Variants in GALNTL6 observed in about 807,000 individuals in gnomAD.
GALNTL6 encodes polypeptide N-acetylgalactosaminyltransferase-like 6.
Under a neutral mutation model 73.7 loss-of-function variants are expected in GALNTL6, and 46 were observed. The ratio of observed to expected loss-of-function variants is 0.62; its 90% CI spans 0.49 to 0.80. The LOEUF (loss-of-function observed/expected upper bound fraction) is 0.80. GALNTL6 is among the 30% of genes least tolerant of loss of function. The pLI is 0.00. For synonymous variants in GALNTL6, 259 were observed against 263.7 expected (o/e 0.98, Z 0.17); for missense variants, 604 against 755.0 (o/e 0.80, Z 2.34).
intron 3 of GALNTL6, among the ~76,000 whole-genome samples, chr4:172,232,638 A>G (rs1579283264): frequency 6.6e-6 from 1 of 152,124 alleles, no homozygotes; most frequent in Non-Finnish European, 1.5e-5. Flanking sequence ...ATTTCATTTC[A>G]ATCAATAATG....
At chr4:171,964,576 A>G (rs189893079) in intron 2 of GALNTL6, among the ~76,000 whole-genome samples, 1 of 152,174 alleles carries the variant, frequency 6.6e-6, no homozygotes, top group East Asian at 1.9e-4. Flanking sequence ...CCCCGAACAT[A>G]CCCCATTTTC....
intron 4 of GALNTL6, among the ~76,000 whole-genome samples, chr4:172,346,992 T>C (rs1160377227): frequency 6.2e-4 from 89 of 144,684 alleles, no homozygotes; most frequent in South Asian, 2.0e-3. Flanking sequence ...TTCTTTCTTT[T>C]TTTTTTTTTT....
intron 2 of GALNTL6, among the ~76,000 whole-genome samples, chr4:171,898,791 T>C (rs942518874): frequency 2.0e-5 from 3 of 152,048 alleles, no homozygotes; most frequent in Admixed American, 6.5e-5. Flanking sequence ...TTTGTGTTCA[T>C]AGTTACATGA....
chr4:172,529,006 T>TACAC (rs1554032890), intron 5 of GALNTL6, among the ~76,000 whole-genome samples: 4 of 31,684 alleles, frequency 1.3e-4, no homozygotes, highest in South Asian at 2.6e-3. Flanking sequence ...TATATATATA[T>TACAC]ACACACACAC....
At chr4:172,492,961 G>T (rs565067356) in intron 5 of GALNTL6, among the ~76,000 whole-genome samples, 1 of 152,192 alleles carries the variant, frequency 6.6e-6, no homozygotes, top group South Asian at 2.1e-4. Flanking sequence ...CAAAGAGGCT[G>T]CCAAGTCCCA....
chr4:172,804,634 G>A (rs1740847745), intron 5 of GALNTL6, among the ~76,000 whole-genome samples: 1 of 152,182 alleles, frequency 6.6e-6, no homozygotes, highest in Non-Finnish European at 1.5e-5. Context: ...CAATGTCCTG[G>A]CCAGGCTCTC....
At chr4:172,141,582 T>A (rs1441952047) in intron 2 of GALNTL6, among the ~76,000 whole-genome samples, 1 of 151,992 alleles carries the variant, frequency 6.6e-6, no homozygotes, top group Non-Finnish European at 1.5e-5. Flanking sequence ...ATACTCCTTA[T>A]TTTAATATTT....
intron 3 of GALNTL6, among the ~76,000 whole-genome samples, chr4:172,242,012 A>T (rs900220053): frequency 6.6e-6 from 1 of 152,190 alleles, no homozygotes; most frequent in Non-Finnish European, 1.5e-5. Context: ...AAGAGAATGT[A>T]CATTTTGATA....
chr4:172,473,409 A>G (rs1452143397), intron 5 of GALNTL6, among the ~76,000 whole-genome samples: 1 of 152,134 alleles, frequency 6.6e-6, no homozygotes, highest in African/African-American at 2.4e-5. Context: ...GTTATGTATC[A>G]TATACACTGT....
At chr4:171,993,438 G>C (rs1232410151) in intron 2 of GALNTL6, among the ~76,000 whole-genome samples, 1 of 152,098 alleles carries the variant, frequency 6.6e-6, no homozygotes, top group Admixed American at 6.6e-5. Context: ...GTTAACTAAG[G>C]ACAACGGAGC....
chr4:172,356,305 G>T (rs1244905568), intron 5 of GALNTL6, among the ~76,000 whole-genome samples: 3 of 152,098 alleles, frequency 2.0e-5, no homozygotes, highest in Admixed American at 6.6e-5. Context: ...TTTCTTTGAT[G>T]AAATAAAAGG....
chr4:172,362,542 T>C (rs1217642046), intron 5 of GALNTL6, among the ~76,000 whole-genome samples: 1 of 152,098 alleles, frequency 6.6e-6, no homozygotes, highest in African/African-American at 2.4e-5. Context: ...ATATTGATGA[T>C]CCTCAGGGTT....
intron 3 of GALNTL6, among the ~76,000 whole-genome samples, chr4:172,296,906 T>A (rs996644249): frequency 6.6e-6 from 1 of 152,154 alleles, no homozygotes; most frequent in African/African-American, 2.4e-5. Context: ...TCAAATGGTA[T>A]TTCTAGTTCT....
intron 5 of GALNTL6, among the ~76,000 whole-genome samples, chr4:172,756,759 CATT>C (rs1183035760): frequency 3.9e-5 from 6 of 152,044 alleles, no homozygotes; most frequent in Non-Finnish European, 7.4e-5. Flanking sequence ...AGGACAAAGA[CATT>C]GTTGTATACC....
intron 2 of GALNTL6, among the ~76,000 whole-genome samples, chr4:171,940,460 C>T (rs968713626): frequency 6.6e-6 from 1 of 152,046 alleles, no homozygotes; most frequent in Non-Finnish European, 1.5e-5. Flanking sequence ...GTTTGGTTGA[C>T]TACAAAAGTT....
At chr4:172,363,148 A>T (rs1000804375) in intron 5 of GALNTL6, among the ~76,000 whole-genome samples, 3 of 152,178 alleles carry the variant, frequency 2.0e-5, no homozygotes, top group African/African-American at 7.2e-5. Flanking sequence ...AGGTTTTGTC[A>T]TGATAAAACC....
intron 3 of GALNTL6, among the ~76,000 whole-genome samples, chr4:172,234,706 G>A (rs574984799): frequency 6.6e-6 from 1 of 151,834 alleles, no homozygotes; most frequent in African/African-American, 2.4e-5. Context: ...TTAATATTTT[G>A]TTTGGCATTT....
At chr4:172,856,340 T>A (rs544343928) in intron 7 of GALNTL6, among the ~76,000 whole-genome samples, 1 of 152,280 alleles carries the variant, frequency 6.6e-6, no homozygotes, top group South Asian at 2.1e-4. Context: ...CAGAGAAAAA[T>A]TGTTTTAGTA....
rs192731021 is a variant in GALNTL6, at chr4:171,820,910, A to G, written c.138+6192A>G. 2.5e-3 allele frequency among the ~76,000 whole-genome samples: 383 copies of G among 152,308 alleles called. 1 individual carries two copies. Among genetic ancestry groups the G allele is most frequent in the Admixed American group, 7.9e-3 (121 of 15,296 alleles). On this transcript the variant is annotated intron_variant, in intron 2 of 12. Transcript: ENST00000506823. ...AATATTCATGGACTATGATTTCAAT[A>G]CTTGAAATCTAGAAATCCAGAGAAA...
Sources: allele counts gnomAD v4.1 joint callset (sites outside exome capture counted in the v4.1 genomes callset), GRCh38; gene constraint gnomAD v4.1.1; transcripts MANE v1.5; gene names NCBI Gene and HGNC (gene_info 2026-07-23, HGNC 2026-07-21).